NLGN1: variants seen among roughly 807,000 people sequenced by gnomAD.
The protein encoded by NLGN1 is neuroligin-1.
A neutral mutation model predicts 65.5 loss-of-function variants in NLGN1; 12 were observed. The observed-to-expected ratio is 0.18, with a 90% CI of 0.12 to 0.30. NLGN1 has a LOEUF of 0.30. Ranked by LOEUF, NLGN1 falls within the 10% of genes least tolerant of loss-of-function variation. NLGN1 has a pLI of 1.00. For synonymous variants in NLGN1, 350 were observed against 359.5 expected (o/e 0.97, Z 0.30); for missense variants, 750 against 1,007.1 (o/e 0.74, Z 3.46).
chr3:173,494,150 C>A (rs372465381), intron 2 of NLGN1, among the ~76,000 whole-genome samples: 1 of 100,122 alleles, frequency 1.0e-5, no homozygotes, highest in East Asian at 4.1e-4. Context: ...TGTGTGTGTG[C>A]GCGTGCATGT....
chr3:174,045,041 G>A (rs377374097), intron 4 of NLGN1, among the ~76,000 whole-genome samples: 2 of 152,078 alleles, frequency 1.3e-5, no homozygotes, highest in South Asian at 4.1e-4. Flanking sequence ...GTCCTTTATA[G>A]CAGCATGAGA....
intron 4 of NLGN1, among the ~76,000 whole-genome samples, chr3:173,889,450 A>G (rs1178695864): frequency 6.6e-6 from 1 of 152,138 alleles, no homozygotes; most frequent in Admixed American, 6.6e-5. Context: ...AGGAATTCCA[A>G]GGAGTTAATA....
chr3:173,701,425 G>A (rs139426452), intron 3 of NLGN1, among the ~76,000 whole-genome samples: 1 of 152,060 alleles, frequency 6.6e-6, no homozygotes, highest in Non-Finnish European at 1.5e-5. Flanking sequence ...GAGGCCACAA[G>A]CCAAGGCATG....
chr3:174,007,855 A>G (rs1467036295), intron 4 of NLGN1, among the ~76,000 whole-genome samples: 2 of 152,138 alleles, frequency 1.3e-5, no homozygotes, highest in Non-Finnish European at 1.5e-5. Context: ...GTGAGCTTGC[A>G]CAAACATGAT....
At chr3:174,265,898 A>G (rs1748071121) in intron 4 of NLGN1, among the ~76,000 whole-genome samples, 1 of 139,038 alleles carries the variant, frequency 7.2e-6, no homozygotes, top group African/African-American at 2.6e-5. Context: ...GTATATATGT[A>G]TATATGTGTA....
At chr3:173,924,997 A>G (rs1742756440) in intron 4 of NLGN1, among the ~76,000 whole-genome samples, 1 of 152,122 alleles carries the variant, frequency 6.6e-6, no homozygotes, top group South Asian at 2.1e-4. Flanking sequence ...GGTTTTGCCT[A>G]TGGATATTTT....
chr3:174,001,533 A>G (rs977312345), intron 4 of NLGN1, among the ~76,000 whole-genome samples: 1 of 152,320 alleles, frequency 6.6e-6, no homozygotes, highest in Non-Finnish European at 1.5e-5. Context: ...AAAGTCTACA[A>G]AGTAAAATGT....
At chr3:173,402,230 C>A (rs991132880) in intron 1 of NLGN1, among the ~76,000 whole-genome samples, 1 of 152,150 alleles carries the variant, frequency 6.6e-6, no homozygotes, top group African/African-American at 2.4e-5. Context: ...TATCTACCTA[C>A]CATCTACCTA....
chr3:174,028,781 G>A (rs1729342355), intron 4 of NLGN1, among the ~76,000 whole-genome samples: 1 of 152,184 alleles, frequency 6.6e-6, no homozygotes, highest in African/African-American at 2.4e-5. Context: ...CCAAGACAAT[G>A]GGGAAAATGT....
chr3:174,162,271 C>T (rs1231952205), intron 4 of NLGN1, among the ~76,000 whole-genome samples: 1 of 151,848 alleles, frequency 6.6e-6, no homozygotes, highest in Admixed American at 6.6e-5. Context: ...TCTGTTTAAT[C>T]AGTTCTTCTG....
At chr3:173,725,732 C>A (rs1011636974) in intron 3 of NLGN1, among the ~76,000 whole-genome samples, 4 of 152,114 alleles carry the variant, frequency 2.6e-5, no homozygotes, top group Non-Finnish European at 4.4e-5. Context: ...TCTCAGGATT[C>A]CACCAGATGT....
At chr3:173,819,111 T>C (rs1719650882) in intron 4 of NLGN1, among the ~76,000 whole-genome samples, 1 of 152,068 alleles carries the variant, frequency 6.6e-6, no homozygotes, top group Non-Finnish European at 1.5e-5. Context: ...TGTAAACATA[T>C]GGATACTGCT....
At chr3:173,650,814 A>G (rs1053742384) in intron 3 of NLGN1, among the ~76,000 whole-genome samples, 1 of 152,150 alleles carries the variant, frequency 6.6e-6, no homozygotes, top group Non-Finnish European at 1.5e-5. Context: ...TCATTGGAGA[A>G]ACCTCATATG....
At chr3:174,254,306 A>ATTTTTT (rs371427726) in intron 4 of NLGN1, among the ~76,000 whole-genome samples, 20 of 113,736 alleles carry the variant, frequency 1.8e-4, no homozygotes, top group East Asian at 2.4e-4. Context: ...GTCCTTTTTA[A>ATTTTTT]TTTTTTTTTT....
chr3:173,670,384 T>C (rs1224746890), intron 3 of NLGN1, among the ~76,000 whole-genome samples: 2 of 152,196 alleles, frequency 1.3e-5, no homozygotes, highest in African/African-American at 4.8e-5. Flanking sequence ...GTCATTCATT[T>C]GTTTACAGGA....
rs561495012 is a variant in NLGN1, at chr3:174,253,838, G to T, written c.647-21477G>T. Among the ~76,000 whole-genome samples, 3 of 152,174 alleles carry T rather than the reference G, an allele frequency of 2.0e-5. No individual in the cohort carries two copies. In the South Asian group the frequency reaches 6.2e-4, roughly 32 times the overall value. On this transcript the variant is annotated intron_variant, in intron 4 of 6. Transcript: ENST00000457714. ...GCTGCTGTAGTAATTCCAACCCTAG[G>T]AAAACTTTTGAAAAATTTCTCTAAC...
intron 4 of NLGN1, among the ~76,000 whole-genome samples, chr3:173,995,237 G>A (rs1440144722): frequency 1.3e-5 from 2 of 152,172 alleles, no homozygotes; most frequent in African/African-American, 4.8e-5. Flanking sequence ...AGAAACTAGA[G>A]CCAGGGGCCT....
chr3:173,529,373 G>A (rs1387138474), intron 2 of NLGN1, among the ~76,000 whole-genome samples: 5 of 152,188 alleles, frequency 3.3e-5, no homozygotes, highest in Non-Finnish European at 5.9e-5. Flanking sequence ...GGGCAGCCCT[G>A]TTCGGGGTGA....
chr3:174,161,686 T>C (rs1234102103), intron 4 of NLGN1, among the ~76,000 whole-genome samples: 2 of 151,852 alleles, frequency 1.3e-5, no homozygotes, highest in African/African-American at 2.4e-5. Flanking sequence ...AGGAAGCAGG[T>C]AGCAAGTGAT....
Sources: gnomAD v4.1 joint callset for allele counts (sites outside exome capture counted in the v4.1 genomes callset) on GRCh38, gnomAD v4.1.1 for gene constraint, MANE v1.5 for transcripts, NCBI Gene and HGNC (gene_info 2026-07-23, HGNC 2026-07-21) for gene names.